Variants in ANO3 observed in about 807,000 individuals in gnomAD.
ANO3 encodes anoctamin 3.
ANO3 carries 99 observed loss-of-function variants against 144.8 expected under a neutral mutation model. The ratio of observed to expected loss-of-function variants is 0.68; its 90% confidence interval spans 0.58 to 0.81. The LOEUF (loss-of-function observed/expected upper bound fraction) is 0.81, where lower values mean the gene tolerates loss of function less well. Ranked by LOEUF, ANO3 falls within the 30% of genes least tolerant of loss-of-function variation. The probability of loss-of-function intolerance (pLI) is 0.00; values close to 1 mark genes in which losing one functional copy is unlikely to be tolerated. For missense variants in ANO3, 905 were observed against 1,202.2 expected, an observed-to-expected ratio of 0.75 and a Z score of 3.66; for synonymous variants, 414 against 392.6, an observed-to-expected ratio of 1.05 and a Z score of -0.64.
At chr11:26,196,569 A>C (rs1298806223) in intron 1 of ANO3, among the ~76,000 whole-genome samples, 1 of 152,204 alleles carries the variant, frequency 6.6e-6, no homozygotes, top group Non-Finnish European at 1.5e-5. Context: ...AACAAATACT[A>C]CATATTTTAC....
intron 4 of ANO3, among the ~76,000 whole-genome samples, chr11:26,507,348 G>C (rs1420365885): frequency 6.6e-6 from 1 of 152,194 alleles, no homozygotes; most frequent in African/African-American, 2.4e-5. Context: ...GCAGGAATTT[G>C]GTTGAAAATT....
chr11:26,526,631 G>T (rs1424277713), intron 7 of ANO3, among the ~76,000 whole-genome samples: 1 of 152,068 alleles, frequency 6.6e-6, no homozygotes, highest in African/African-American at 2.4e-5. Flanking sequence ...ATGGGAAAAT[G>T]TCCATCTGTT....
intron 4 of ANO3, among the ~76,000 whole-genome samples, chr11:26,482,005 AC>A (rs1860237603): frequency 1.3e-5 from 2 of 151,252 alleles, no homozygotes; most frequent in African/African-American, 4.9e-5. Flanking sequence ...CATTCCACTC[AC>A]CTCAGCTTCC....
intron 1 of ANO3, among the ~76,000 whole-genome samples, chr11:26,436,967 G>A (rs956200029): frequency 1.1e-4 from 16 of 151,804 alleles, no homozygotes; most frequent in African/African-American, 3.9e-4. Flanking sequence ...TAATCACCTT[G>A]GATTCCCCAG....
At chr11:26,297,934 C>T (rs960132414) in intron 1 of ANO3, among the ~76,000 whole-genome samples, 2 of 152,166 alleles carry the variant, frequency 1.3e-5, no homozygotes, top group African/African-American at 2.4e-5. Context: ...GACACCACAG[C>T]CCCATTCTTT....
chr11:26,454,439 C>T (rs1388779531), intron 3 of ANO3, among the ~76,000 whole-genome samples: 1 of 152,180 alleles, frequency 6.6e-6, no homozygotes, highest in Non-Finnish European at 1.5e-5. Flanking sequence ...TCAGAGAATA[C>T]TACAAACACC....
intron 1 of ANO3, among the ~76,000 whole-genome samples, chr11:26,192,021 CA>C (rs1194765722): frequency 2.0e-5 from 3 of 152,074 alleles, no homozygotes; most frequent in Admixed American, 6.6e-5. Context: ...CCAAATAACA[CA>C]TCATAGTATA....
intron 14 of ANO3, among the ~76,000 whole-genome samples, chr11:26,570,505 T>G (rs1850780768): frequency 6.6e-6 from 1 of 152,174 alleles, no homozygotes; most frequent in Admixed American, 6.6e-5. Flanking sequence ...TTAACCCATA[T>G]AAGGGCAAAG....
At chr11:26,393,492 G>T (rs939665617) in intron 1 of ANO3, among the ~76,000 whole-genome samples, 5 of 152,060 alleles carry the variant, frequency 3.3e-5, no homozygotes, top group East Asian at 1.9e-4. Context: ...CAGTATTAAA[G>T]GTTGCTTCCC....
At chr11:26,656,528 T>G in intron 26 of ANO3, 47 bp downstream of exon 26, 5 of 1,236,980 alleles carry the variant, frequency 4.0e-6, no homozygotes, top group South Asian at 1.2e-5. Flanking sequence ...AATGCTTTTC[T>G]AAATGATTTA....
rs1047090694 is a variant in ANO3 at position 26,614,470 on chromosome 11, T to C, written c.1837-9992T>C. The stretch of plus-strand genomic sequence containing the variant: ...TCAGGAATGGAAAGTCAATTGATAC[T>C]GATCCCCAGGGCAAGACACACTGTA... On this transcript the variant is annotated intron_variant, in intron 17 of 26. Coordinates refer to ENST00000256737, the MANE Select transcript of ANO3 (RefSeq NM_031418.4). Among the ~76,000 whole-genome samples the C allele has an allele frequency of 2.0e-5, 3 of 152,168 alleles. No homozygotes were observed. In the East Asian group the frequency reaches 5.8e-4, roughly 29 times the overall value.
chr11:26,260,733 C>A (rs1853168736), intron 1 of ANO3, among the ~76,000 whole-genome samples: 1 of 152,122 alleles, frequency 6.6e-6, no homozygotes, highest in Admixed American at 6.5e-5. Context: ...AGGCACCATG[C>A]AAAACTAAAT....
chr11:26,318,896 A>G (rs1466307693), intron 1 of ANO3, among the ~76,000 whole-genome samples: 1 of 152,216 alleles, frequency 6.6e-6, no homozygotes, highest in Non-Finnish European at 1.5e-5. Flanking sequence ...TGTTTTACCC[A>G]TACATATACA....
intron 1 of ANO3, among the ~76,000 whole-genome samples, chr11:26,385,775 T>TAGAC (rs57185520): frequency 0.26 from 39,779 of 150,806 alleles, 5,891 homozygotes; most frequent in African/African-American, 0.4. Flanking sequence ...AACTGCCTAA[T>TAGAC]AGGAACTGGA....
chr11:26,462,171 C>A (rs534509259), intron 3 of ANO3, among the ~76,000 whole-genome samples: 1 of 152,026 alleles, frequency 6.6e-6, no homozygotes, highest in South Asian at 2.1e-4. Context: ...ATCTTGAAAG[C>A]ACTAGAGTTT....
intron 1 of ANO3, among the ~76,000 whole-genome samples, chr11:26,255,213 C>T (rs1266676890): frequency 6.6e-6 from 1 of 152,288 alleles, no homozygotes; most frequent in Middle Eastern, 3.4e-3. Context: ...TATCCTCAGG[C>T]AACAAAGGCA....
intron 3 of ANO3, among the ~76,000 whole-genome samples, chr11:26,453,096 G>C (rs1189451391): frequency 6.6e-6 from 1 of 152,002 alleles, no homozygotes; most frequent in Non-Finnish European, 1.5e-5. Context: ...ACATGGAAAG[G>C]AACAACCGGT....
intron 11 of ANO3, among the ~76,000 whole-genome samples, chr11:26,545,879 G>T (rs2703402): frequency 0.66 from 99,955 of 151,666 alleles, 33,224 homozygotes; most frequent in East Asian, 0.83. Flanking sequence ...TTTTTCATTA[G>T]CCTCTTTTAC....
intron 1 of ANO3, among the ~76,000 whole-genome samples, chr11:26,372,940 G>GA (rs200801532): frequency 0.02 from 2,994 of 150,070 alleles, 86 homozygotes; most frequent in African/African-American, 0.065. Flanking sequence ...TAGATTATTT[G>GA]AAAAAAAAAT....
Sources: allele counts gnomAD v4.1 joint callset (sites outside exome capture counted in the v4.1 genomes callset), GRCh38; gene constraint gnomAD v4.1.1; transcripts MANE v1.5; gene names NCBI Gene and HGNC (gene_info 2026-07-23, HGNC 2026-07-21).